The following SYNJ2BP variants were observed in gnomAD, a reference collection of about 807,000 sequenced individuals.
SYNJ2BP encodes synaptojanin-2-binding protein.
SYNJ2BP carries 10 observed loss-of-function variants against 16.9 expected under a neutral mutation model. That is an observed-to-expected ratio of 0.59 (90% confidence interval 0.36 to 1.00). SYNJ2BP has a LOEUF of 1.00. SYNJ2BP is among the 50% of genes least tolerant of loss of function. The probability of loss-of-function intolerance (pLI) is 0.01; values close to 1 mark genes in which losing one functional copy is unlikely to be tolerated. For missense variants in SYNJ2BP, 162 were observed against 186.7 expected (o/e 0.87, Z 0.77); for synonymous variants, 54 against 68.4 (o/e 0.79, Z 1.04).
At chr14:70,406,800 C>A (rs777037627) in intron 1 of SYNJ2BP, among the ~76,000 whole-genome samples, 1 of 152,092 alleles carries the variant, frequency 6.6e-6, no homozygotes, top group South Asian at 2.1e-4. Context: ...ACTTTCCAAC[C>A]CCCCACCTGA....
At chr14:70,416,531 T>A (rs1888613525) in intron 1 of SYNJ2BP, among the ~76,000 whole-genome samples, 1 of 152,094 alleles carries the variant, frequency 6.6e-6, no homozygotes, top group Non-Finnish European at 1.5e-5. Context: ...GCTCCCATTT[T>A]ACTAAACGGT....
rs1888168318 is a variant in SYNJ2BP at position 70,398,952 on chromosome 14, A to C, written c.65-10346T>G. Among the ~76,000 whole-genome samples, 3 of 152,138 alleles carry C rather than the reference A, an allele frequency of 2.0e-5. No homozygotes were observed. In the South Asian group the frequency reaches 6.2e-4, roughly 31 times the overall value. ...CTCTAGGAGCAGATAGGGGGCCTCC[A>C]GGAGCAGATAGTGGGCCCCAGTCCT... is the stretch of plus-strand genomic sequence containing the variant. On this transcript the variant is annotated intron_variant, in intron 1 of 3. Coordinates refer to ENST00000256366, the MANE Select transcript of SYNJ2BP (RefSeq NM_018373.3).
intron 1 of SYNJ2BP, among the ~76,000 whole-genome samples, chr14:70,409,266 T>C (rs1173505978): frequency 1.3e-5 from 2 of 152,224 alleles, no homozygotes; most frequent in Non-Finnish European, 2.9e-5. Flanking sequence ...TTTATTCTAG[T>C]GTCCATGATT....
At chr14:70,378,033 C>A (rs538802131) in intron 2 of SYNJ2BP, among the ~76,000 whole-genome samples, 6 of 152,290 alleles carry the variant, frequency 3.9e-5, no homozygotes, top group African/African-American at 1.4e-4. Context: ...ATCCTATAGC[C>A]GTTTTTGTCT....
Position 70,413,956 on chromosome 14 carries a change from A to G in SYNJ2BP, c.64+2944T>C, listed in dbSNP as rs78956010. ...GCAATGCTGCCTACAAAAGAAATGC[A>G]TACTTAGAGGATTTTCATATTTCTT... On this transcript the variant is annotated intron_variant, in intron 1 of 3. Coordinates refer to ENST00000256366, the MANE Select transcript of SYNJ2BP (RefSeq NM_018373.3). Among the ~76,000 whole-genome samples, 1,373 of 152,316 alleles carry G rather than the reference A, an allele frequency of 9.0e-3. 13 individuals carry two copies. The highest frequency in any genetic ancestry group is 0.031 in the African/African-American group (1,285 of 41,564).
chr14:70,389,446 C>G (rs899882084), intron 1 of SYNJ2BP, among the ~76,000 whole-genome samples: 4 of 148,772 alleles, frequency 2.7e-5, no homozygotes, highest in African/African-American at 1.0e-4. Flanking sequence ...ACCTCAGAAC[C>G]AGAAAGGTAA....
chr14:70,383,177 C>T (rs1887788847), intron 2 of SYNJ2BP, among the ~76,000 whole-genome samples: 1 of 152,084 alleles, frequency 6.6e-6, no homozygotes, highest in Admixed American at 6.6e-5. Flanking sequence ...TTACTCAGGG[C>T]CAGGTACAGG....
chr14:70,373,206 A>G, intron 3 of SYNJ2BP, 75 bp from the exon 4 acceptor site: 4 of 1,578,512 alleles, frequency 2.5e-6, no homozygotes, highest in Non-Finnish European at 3.4e-6. Flanking sequence ...TTGATACATC[A>G]CCTGGGTTTG....
intron 2 of SYNJ2BP, among the ~76,000 whole-genome samples, chr14:70,379,314 C>T (rs1163214208): frequency 1.3e-5 from 2 of 152,166 alleles, no homozygotes; most frequent in African/African-American, 4.8e-5. Context: ...GTACATACCT[C>T]GTTTCTTATG....
chr14:70,382,493 C>T (rs563053147), intron 2 of SYNJ2BP, among the ~76,000 whole-genome samples: 1 of 152,324 alleles, frequency 6.6e-6, no homozygotes, highest in South Asian at 2.1e-4. Context: ...CACGGGATCT[C>T]ATAATGCAGA....
chr14:70,379,323 T>G (rs998787976), intron 2 of SYNJ2BP, among the ~76,000 whole-genome samples: 4 of 152,244 alleles, frequency 2.6e-5, no homozygotes, highest in Non-Finnish European at 2.9e-5. Flanking sequence ...TCGTTTCTTA[T>G]GCTGATATGG....
chr14:70,407,429 CAAAA>C (rs71105710), intron 1 of SYNJ2BP, among the ~76,000 whole-genome samples: 1 of 111,020 alleles, frequency 9.0e-6, no homozygotes, highest in East Asian at 2.9e-4. Context: ...GACTCCGTCT[CAAAA>C]AAAAAAAAAA....
In SYNJ2BP at chr14:70,372,906, G is replaced by C. The variant is rs1256011300; in HGVS notation, c.*85C>G. 2.5e-6 allele frequency: 4 copies of C among 1,569,098 alleles called. No individual in the cohort carries two copies. Among genetic ancestry groups the C allele is most frequent in the Non-Finnish European group, 3.4e-6 (4 of 1,160,080 alleles). On this transcript the variant is annotated 3_prime_UTR_variant, in exon 4 of 4. Coordinates refer to ENST00000256366, the MANE Select transcript of SYNJ2BP (RefSeq NM_018373.3). ...GTCACTTCAAATCTGGCTATGCAGA[G>C]AGAGGGAAAGACATGGCAGAATAGC...
chr14:70,409,588 C>G (rs1200109311), intron 1 of SYNJ2BP, among the ~76,000 whole-genome samples: 1 of 152,144 alleles, frequency 6.6e-6, no homozygotes, highest in East Asian at 1.9e-4. Context: ...GATCTTAATA[C>G]TGATCCTTGA....
In SYNJ2BP at chr14:70,367,201, A is replaced by T. The variant is rs1397714759; in HGVS notation, c.*5790T>A. On this transcript the variant is annotated 3_prime_UTR_variant, in exon 4 of 4. Coordinates refer to ENST00000256366, the MANE Select transcript of SYNJ2BP (RefSeq NM_018373.3). ...TCCTTTGAAGGAGCAATGCTTTCTCATAATATAGGTTTTATAGTATCATCA... is the reference window on the plus strand; with the variant it reads ...TCCTTTGAAGGAGCAATGCTTTCTCTTAATATAGGTTTTATAGTATCATCA... 6.6e-6 allele frequency: 1 copy of T among 152,154 alleles called. No individual in the cohort carries two copies. Among genetic ancestry groups the T allele is most frequent in the African/African-American group, 2.4e-5 (1 of 41,448 alleles). 9.4% of individuals were successfully genotyped at this position (152,154 alleles called of 1,614,324 possible). A position where few individuals can be genotyped will look rare whatever the true frequency, so the allele number is the denominator to read the frequency against.
At chr14:70,400,016 T>C (rs973578100) in intron 1 of SYNJ2BP, among the ~76,000 whole-genome samples, 1 of 152,212 alleles carries the variant, frequency 6.6e-6, no homozygotes, top group African/African-American at 2.4e-5. Context: ...GAGAAAAGTT[T>C]CCTTGACTCT....
At chr14:70,414,612 T>C (rs1226634837) in intron 1 of SYNJ2BP, among the ~76,000 whole-genome samples, 1 of 152,202 alleles carries the variant, frequency 6.6e-6, no homozygotes, top group Non-Finnish European at 1.5e-5. Context: ...CTGAAAATAC[T>C]TTGGATGCCA....
chr14:70,410,806 C>G (rs1888456060), intron 1 of SYNJ2BP, among the ~76,000 whole-genome samples: 1 of 152,040 alleles, frequency 6.6e-6, no homozygotes, highest in African/African-American at 2.4e-5. Flanking sequence ...TAAGTGGGAG[C>G]TAAATAATAA....
At chr14:70,386,391 C>A (rs1887859836) in intron 2 of SYNJ2BP, among the ~76,000 whole-genome samples, 1 of 152,160 alleles carries the variant, frequency 6.6e-6, no homozygotes, top group Admixed American at 6.5e-5. Flanking sequence ...TGAAGAGAGG[C>A]AGAATAGTCA....
Sources: allele counts gnomAD v4.1 joint callset (sites outside exome capture counted in the v4.1 genomes callset), GRCh38; gene constraint gnomAD v4.1.1; transcripts MANE v1.5; gene names NCBI Gene and HGNC (gene_info 2026-07-23, HGNC 2026-07-21).